NCOR2: variants seen among roughly 807,000 people sequenced by gnomAD.
The protein encoded by NCOR2 is CTG repeat protein 26.
In NCOR2, 81 loss-of-function variants were observed where a neutral mutation model predicts 262.9. The observed-to-expected ratio is 0.31, with a 90% CI of 0.26 to 0.37. The LOEUF is 0.37. NCOR2 is among the 10% of genes least tolerant of loss of function. The pLI is 1.00. For missense variants in NCOR2, 3,385 were observed against 3,621.4 expected (o/e 0.93, Z 1.68); for synonymous variants, 1,659 against 1,559.3 (o/e 1.06, Z -1.51).
intron 1 of NCOR2, among the ~76,000 whole-genome samples, chr12:124,510,777 CGCCGCGGACAGGCTGTG>C (rs1160749365): frequency 3.3e-5 from 5 of 152,058 alleles, no homozygotes; most frequent in African/African-American, 4.8e-5. Context: ...GCCCATGGGC[CGCCGCGGACAGGCTGTG>C]GGCATCTCCA....
chr12:124,456,019 G>A (rs2136545548), intron 6 of NCOR2, among the ~76,000 whole-genome samples: 1 of 152,330 alleles, frequency 6.6e-6, no homozygotes, highest in Admixed American at 6.5e-5. Flanking sequence ...GGGACGAAAG[G>A]CGTGCATCAC....
rs184135656 is a variant in NCOR2, at chr12:124,406,724, A to T, written c.1483-4163T>A. 2.0e-4 allele frequency among the ~76,000 whole-genome samples: 31 copies of T among 152,254 alleles called. No individual in the cohort carries two copies. The East Asian group carries it at 5.4e-3, about 27-fold the overall frequency. ...ACAACTCTGTGACAAACCCTACTGG[A>T]TCTATGGTTAGCCAGAGCCACTGGC... is the stretch of plus-strand genomic sequence containing the variant. On this transcript the variant is annotated intron_variant, in intron 13 of 46. Coordinates refer to ENST00000405201, the Ensembl canonical transcript of NCOR2.
At chr12:124,361,285 G>A (rs1408583397) in intron 22 of NCOR2, among the ~76,000 whole-genome samples, 1 of 152,214 alleles carries the variant, frequency 6.6e-6, no homozygotes, top group African/African-American at 2.4e-5. Context: ...CAGCCTGCCA[G>A]CAAGCGCCGG....
chr12:124,333,651 C>T (rs1196871779), intron 41 of NCOR2, among the ~76,000 whole-genome samples: 1 of 97,450 alleles, frequency 1.0e-5, no homozygotes, highest in African/African-American at 3.9e-5. Flanking sequence ...TGTCCTCGCA[C>T]ACACATTACC....
At chr12:124,402,416 T>TCCTTGTCGTTCTCCA (rs765939957) in exon 14 of NCOR2, 6 of 1,614,122 alleles carry the variant, frequency 3.7e-6, no homozygotes, top group Admixed American at 1.7e-5. Context: ...GAGGAGGTCT[T>TCCTTGTCGTTCTCCA]CCTTGTCGTT....
chr12:124,448,168 C>G (rs1266361030), intron 7 of NCOR2, among the ~76,000 whole-genome samples: 1 of 152,174 alleles, frequency 6.6e-6, no homozygotes, highest in African/African-American at 2.4e-5. Flanking sequence ...AGGGAATGCC[C>G]CAAACAGCCT....
At chr12:124,355,535 C>CGGGCAGTGTCATGGAGGCCCA in exon 24 of NCOR2, 1 of 1,593,734 alleles carries the variant, frequency 6.3e-7, no homozygotes, top group Non-Finnish European at 8.5e-7. Context: ...CAGGACGGGC[C>CGGGCAGTGTCATGGAGGCCCA]GGGCAGTGTC....
intron 1 of NCOR2, among the ~76,000 whole-genome samples, chr12:124,552,150 T>C (rs1405698602): frequency 6.6e-6 from 1 of 151,938 alleles, no homozygotes; most frequent in African/African-American, 2.4e-5. Flanking sequence ...TGACACCTCA[T>C]CTCTACTAAA....
intron 1 of NCOR2, among the ~76,000 whole-genome samples, chr12:124,544,847 G>A (rs1020879734): frequency 1.3e-5 from 2 of 151,832 alleles, no homozygotes; most frequent in Non-Finnish European, 2.9e-5. Flanking sequence ...AGGAGACTGC[G>A]ACCCCTGTGT....
At chr12:124,508,646 A>C (rs919243678) in intron 1 of NCOR2, among the ~76,000 whole-genome samples, 12 of 152,206 alleles carry the variant, frequency 7.9e-5, no homozygotes, top group African/African-American at 2.9e-4. Context: ...ACCCTGCTGG[A>C]ACAGGGTCCA....
chr12:124,461,557 T>G (rs2046165536), intron 5 of NCOR2, among the ~76,000 whole-genome samples: 1 of 152,204 alleles, frequency 6.6e-6, no homozygotes, highest in South Asian at 2.1e-4. Context: ...AGACCCACGT[T>G]ACCAAGTGCA....
At chr12:124,340,890 C>T in intron 34 of NCOR2, 139 bp from the exon 37 acceptor site, 1 of 793,666 alleles carries the variant, frequency 1.3e-6, no homozygotes, top group Non-Finnish European at 1.7e-6. Flanking sequence ...CCCTCCTCGG[C>T]TCCCAGCACC....
In NCOR2 at chr12:124,548,299, G is replaced by C. The variant is rs2051602588; in HGVS notation, c.-164-12688C>G. ...GTCGGTGAGGGCTGAGGAGCTCCCG[G>C]GTGGCCTCTGAATTTATTCTCAGAG... On this transcript the variant is annotated intron_variant, in intron 1 of 32. Coordinates refer to the NCOR2 transcript ENST00000458234. The surrounding 1 kb of genome is among the most constrained non-coding windows in gnomAD (Gnocchi z 5.1). Among the ~76,000 whole-genome samples, 2 of 152,186 alleles carry C rather than the reference G, an allele frequency of 1.3e-5. No individual in the cohort carries two copies. Among genetic ancestry groups the C allele is most frequent in the Non-Finnish European group, 2.9e-5 (2 of 68,034 alleles).
rs1189388127 is a variant in NCOR2, at chr12:124,378,060, A to G, written c.2167+177T>C. On this transcript the variant is annotated intron_variant, in intron 18 of 46. Transcript: ENST00000405201. The surrounding 1 kb of genome is among the most constrained non-coding windows in gnomAD (Gnocchi z 4.2). Reference sequence around the variant, plus strand: ...TGTTATGGCCTTCATCCTTGTGCCCATTACTGGTGAGTTTCTGGCAAGTCA... The same window carrying G: ...TGTTATGGCCTTCATCCTTGTGCCCGTTACTGGTGAGTTTCTGGCAAGTCA... Among the ~76,000 whole-genome samples the G allele has an allele frequency of 6.6e-6, 1 of 151,934 alleles. No homozygotes were observed. The highest frequency in any genetic ancestry group is 6.5e-5 in the Admixed American group (1 of 15,268).
At chr12:124,480,561 A>C (rs1190806955) in intron 3 of NCOR2, among the ~76,000 whole-genome samples, 1 of 152,120 alleles carries the variant, frequency 6.6e-6, no homozygotes, top group African/African-American at 2.4e-5. Context: ...ACAGGTGCTT[A>C]ATCTGTGCAC....
At position 124,432,592 on chromosome 12, in the gene NCOR2, GC is replaced by G; in HGVS notation, c.883-1806del. On this transcript the variant is annotated intron_variant, in intron 8 of 46. Coordinates refer to ENST00000405201, the Ensembl canonical transcript of NCOR2. This position sits in a 1 kb window ranked among gnomAD's most constrained non-coding sequence, Gnocchi z 5.1. Reference sequence around the variant, plus strand: ...GGAAGCTGTGCTGTACAACATGCGGGCCCGTCAGCCCTGGGGAGGGGCAGCC... The same window carrying G: ...GGAAGCTGTGCTGTACAACATGCGGGCCGTCAGCCCTGGGGAGGGGCAGCC... Among the ~76,000 whole-genome samples, 1 of 152,272 alleles carries G rather than the reference GC, an allele frequency of 6.6e-6. No homozygotes were observed. Among genetic ancestry groups the G allele is most frequent in the East Asian group, 1.9e-4 (1 of 5,164 alleles).
intron 7 of NCOR2, among the ~76,000 whole-genome samples, chr12:124,446,170 G>A (rs753028330): frequency 6.6e-6 from 1 of 152,142 alleles, no homozygotes; most frequent in Non-Finnish European, 1.5e-5. Flanking sequence ...AGCTTCCTGG[G>A]CACTGCAGAT....
Position 124,490,408 on chromosome 12 carries a change from A to AGATGGATGGATGGATGGATG in NCOR2, c.106-3860_106-3841dup, listed in dbSNP as rs750414709. On this transcript the variant is annotated intron_variant, in intron 1 of 46. Transcript: ENST00000405201. ...CCGAGACGCCTGATAAGTATTTGCC[A>AGATGGATGGATGGATGGATG]GATGGATGGATGGATGGATGGATGG... is the stretch of plus-strand genomic sequence containing the variant. Among the ~76,000 whole-genome samples the AGATGGATGGATGGATGGATG allele has an allele frequency of 6.7e-4, 85 of 126,356 alleles. No homozygotes were observed. In the East Asian group the frequency reaches 9.6e-3, roughly 14 times the overall value. 82.9% of individuals were successfully genotyped at this position (126,356 alleles called of 152,430 possible).
upstream of NCOR2, among the ~76,000 whole-genome samples, chr12:124,496,765 C>T (rs559694776): frequency 1.9e-4 from 29 of 150,916 alleles, no homozygotes; most frequent in Admixed American, 1.1e-3. The surrounding 1 kb of genome is among the most constrained non-coding windows in gnomAD (Gnocchi z 4.4). Context: ...GGTCATGTGA[C>T]CCGGTCCTGG....
Sources: allele counts gnomAD v4.1 joint callset (sites outside exome capture counted in the v4.1 genomes callset), GRCh38; gene constraint gnomAD v4.1.1; non-coding constraint Gnocchi (gnomAD v3.1); transcripts MANE v1.5; gene names NCBI Gene and HGNC (gene_info 2026-07-23, HGNC 2026-07-21).